Variants in AATF observed in about 807,000 individuals in gnomAD.
The protein encoded by AATF is apoptosis antagonizing transcription factor, also known as protein AATF.
Under a neutral mutation model 63.7 loss-of-function variants are expected in AATF, and 48 were observed. That is an observed-to-expected ratio of 0.75 (90% CI 0.60 to 0.96). The LOEUF is 0.96. Among genes scored for constraint, AATF ranks in the 40% least tolerant of loss-of-function variants. AATF has a pLI of 0.00. For missense variants in AATF, 639 were observed against 685.7 expected (o/e 0.93, Z 0.76); for synonymous variants, 258 against 247.7 (o/e 1.04, Z -0.39).
chr17:37,027,820 T>C (rs2071521978), intron 10 of AATF, among the ~76,000 whole-genome samples: 1 of 152,206 alleles, frequency 6.6e-6, no homozygotes, highest in Admixed American at 6.5e-5. Flanking sequence ...GGCTAGTAGC[T>C]ACTGTATTGC....
chr17:36,954,435 G>A (rs1222567899), intron 4 of AATF, among the ~76,000 whole-genome samples: 1 of 152,186 alleles, frequency 6.6e-6, no homozygotes, highest in African/African-American at 2.4e-5. Flanking sequence ...CACTGATGTA[G>A]AAAGGGAGAA....
intron 4 of AATF, among the ~76,000 whole-genome samples, chr17:36,975,839 C>A (rs1161905540): frequency 1.3e-5 from 2 of 152,134 alleles, no homozygotes; most frequent in Non-Finnish European, 2.9e-5. Context: ...AGAAAAATAT[C>A]CCACTGTTTT....
At chr17:36,997,200 A>T (rs1271807582) in intron 8 of AATF, among the ~76,000 whole-genome samples, 1 of 152,212 alleles carries the variant, frequency 6.6e-6, no homozygotes, top group Non-Finnish European at 1.5e-5. Context: ...TAAAGTAGGC[A>T]TGAGGTCTTG....
intron 8 of AATF, among the ~76,000 whole-genome samples, chr17:37,015,883 C>G (rs538153570): frequency 1.3e-5 from 2 of 152,150 alleles, no homozygotes; most frequent in Non-Finnish European, 2.9e-5. Context: ...ATCCTCTATT[C>G]TGGAGCTTCT....
intron 11 of AATF, among the ~76,000 whole-genome samples, chr17:37,032,664 A>G (rs982210232): frequency 6.6e-6 from 1 of 152,218 alleles, no homozygotes; most frequent in Non-Finnish European, 1.5e-5. Flanking sequence ...CACTTTTAAC[A>G]TCTTACAGCA....
At chr17:37,023,878 G>A (rs1181893223) in intron 10 of AATF, among the ~76,000 whole-genome samples, 1 of 151,870 alleles carries the variant, frequency 6.6e-6, no homozygotes. Context: ...AATCCACAAT[G>A]CTCAAGTTCC....
chr17:36,994,261 A>G (rs1298359085), intron 8 of AATF, among the ~76,000 whole-genome samples: 1 of 152,204 alleles, frequency 6.6e-6, no homozygotes, highest in Non-Finnish European at 1.5e-5. Context: ...TTGAGCCATA[A>G]AGAGATTTCA....
At position 36,990,879 on chromosome 17, in the gene AATF, G is replaced by C. The variant is rs531439543; in HGVS notation, c.1398+22G>C. 1.2e-5 allele frequency: 18 copies of C among 1,496,526 alleles called. No homozygotes were observed. The South Asian group carries it at 2.1e-4, about 17-fold the overall frequency. 92.7% of individuals were successfully genotyped at this position (1,496,526 alleles called of 1,614,324 possible). A position where few individuals can be genotyped will look rare whatever the true frequency, so the allele number is the denominator to read the frequency against. ...CCAGGTGAGACTTTTACACTCTCTTGTTACAAATCATGTTTTAGCATTTTA... is the reference window on the plus strand; with the variant it reads ...CCAGGTGAGACTTTTACACTCTCTTCTTACAAATCATGTTTTAGCATTTTA... On this transcript the variant is annotated intron_variant, in intron 8 of 11. Coordinates refer to ENST00000619387, the MANE Select transcript of AATF (RefSeq NM_012138.4).
At chr17:37,036,737 G>A (rs2071595408) in intron 11 of AATF, among the ~76,000 whole-genome samples, 1 of 152,070 alleles carries the variant, frequency 6.6e-6, no homozygotes, top group Admixed American at 6.6e-5. Context: ...TTTGTTAGTG[G>A]AAATCTTATG....
chr17:36,987,779 C>A, intron 5 of AATF, among the ~76,000 whole-genome samples: 1 of 152,170 alleles, frequency 6.6e-6, no homozygotes, highest in Non-Finnish European at 1.5e-5. Flanking sequence ...GTATTTGGTT[C>A]AACTAATATT....
At chr17:36,962,754 T>C (rs901584399) in intron 4 of AATF, among the ~76,000 whole-genome samples, 3 of 152,154 alleles carry the variant, frequency 2.0e-5, no homozygotes, top group Non-Finnish European at 4.4e-5. Context: ...GTTGTACATA[T>C]CATTGCACAA....
intron 10 of AATF, among the ~76,000 whole-genome samples, chr17:37,024,113 A>C (rs117460179): frequency 0.024 from 3,662 of 152,304 alleles, 62 homozygotes; most frequent in Non-Finnish European, 0.036. Context: ...AAATCTGTGG[A>C]TGCTGAACCC....
chr17:37,019,212 G>A, intron 9 of AATF, 140 bp downstream of exon 9: 1 of 684,638 alleles, frequency 1.5e-6, no homozygotes. Flanking sequence ...GAAAGAAAAT[G>A]TGACTAATTG....
At position 37,019,007 on chromosome 17, in the gene AATF, C is replaced by G. The variant is rs781126142; in HGVS notation, c.1401C>G (p.Leu467=). The G allele has an allele frequency of 3.1e-6, 5 of 1,613,816 alleles. No individual in the cohort carries two copies. In the African/African-American group the frequency reaches 6.7e-5, roughly 22 times the overall value. ...CGTTGCTTTCCTTTTTCCCCTAGCT[C>G]CTTCGAGAACTCATAGAACGGAAGA... The part of the protein sequence containing the change: ...IFDDDDFYHQ[L]LRELIERKTS... The change falls in exon 9 of 12, where the codon CTC becomes CTG. Residue 467 remains leucine (L), a splice_region_variant and synonymous_variant. Transcript: ENST00000619387.
intron 8 of AATF, among the ~76,000 whole-genome samples, chr17:37,008,921 TAA>T (rs1256488180): frequency 6.6e-6 from 1 of 152,194 alleles, no homozygotes; most frequent in Non-Finnish European, 1.5e-5. Context: ...TGTCTTGCAG[TAA>T]AAGGACCAAC....
At chr17:37,048,911 G>C (rs2071720811) in intron 11 of AATF, among the ~76,000 whole-genome samples, 1 of 152,164 alleles carries the variant, frequency 6.6e-6, no homozygotes, top group Non-Finnish European at 1.5e-5. Flanking sequence ...ATGAAAGGAG[G>C]GTGCCATTTA....
intron 8 of AATF, among the ~76,000 whole-genome samples, chr17:36,992,295 A>T (rs2071221519): frequency 6.6e-6 from 1 of 151,128 alleles, no homozygotes; most frequent in Non-Finnish European, 1.5e-5. Flanking sequence ...ACTAGAGGGT[A>T]TAGGAAAAAA....
chr17:36,958,802 A>T (rs1357270935), intron 4 of AATF, among the ~76,000 whole-genome samples: 5 of 152,212 alleles, frequency 3.3e-5, no homozygotes, highest in East Asian at 3.8e-4. Context: ...TAAGGATTTT[A>T]AAAAATTATA....
intron 11 of AATF, among the ~76,000 whole-genome samples, chr17:37,040,464 C>G (rs1279738858): frequency 2.9e-4 from 4 of 13,826 alleles, no homozygotes. Flanking sequence ...TTCATTTGTT[C>G]CTCATTTAAA....
Sources: allele counts gnomAD v4.1 joint callset (sites outside exome capture counted in the v4.1 genomes callset), GRCh38; gene constraint gnomAD v4.1.1; transcripts MANE v1.5; gene names NCBI Gene and HGNC (gene_info 2026-07-23, HGNC 2026-07-21).